Variants in ACBD5 observed in about 807,000 individuals in gnomAD.
ACBD5 encodes acyl-CoA binding domain containing 5.
A neutral mutation model predicts 71.8 loss-of-function variants in ACBD5; 40 were observed. The observed-to-expected ratio is 0.56, with a 90% confidence interval of 0.43 to 0.72. ACBD5 has a LOEUF of 0.72. Ranked by LOEUF, ACBD5 falls within the 30% of genes least tolerant of loss-of-function variation. The pLI is 0.00. For synonymous variants in ACBD5, 229 were observed against 218.6 expected (o/e 1.05, Z -0.42); for missense variants, 559 against 644.5 (o/e 0.87, Z 1.44).
chr10:27,240,747 C>T lies in ACBD5; in HGVS notation c.-59G>A, dbSNP rs545071516. The T allele has an allele frequency of 6.5e-7, 1 of 1,550,070 alleles. No individual in the cohort carries two copies. Among genetic ancestry groups the T allele is most frequent in the South Asian group, 1.2e-5 (1 of 84,048 alleles). The stretch of plus-strand genomic sequence containing the variant: ...GTGGCCGCGGAGCCGCTCTCCCACC[C>T]TGGGGACCCTGGCGGAGCAGCCACA... On this transcript the variant is annotated 5_prime_UTR_variant, in exon 1 of 13. Coordinates refer to ENST00000396271, the MANE Select transcript of ACBD5 (RefSeq NM_145698.5). This position sits in a 1 kb window ranked among gnomAD's most constrained non-coding sequence, Gnocchi z 4.1.
At chr10:27,219,696 A>G (rs202041172) in intron 6 of ACBD5, 27 bp downstream of exon 6, 2 of 1,612,910 alleles carry the variant, frequency 1.2e-6, no homozygotes, top group African/African-American at 1.3e-5. Context: ...TTATTGCAAA[A>G]TTACTAACTG....
intron 4 of ACBD5, among the ~76,000 whole-genome samples, chr10:27,226,229 T>C (rs2780677): frequency 0.18 from 26,924 of 151,908 alleles, 2,933 homozygotes; most frequent in East Asian, 0.32. Context: ...ATGCTGAAGT[T>C]TGGGCTTCTA....
intron 10 of ACBD5, among the ~76,000 whole-genome samples, chr10:27,206,286 T>C (rs1376260770): frequency 6.6e-6 from 1 of 151,654 alleles, no homozygotes; most frequent in African/African-American, 2.4e-5. Context: ...TCACTAAAGA[T>C]ATTGAATATA....
intron 7 of ACBD5, among the ~76,000 whole-genome samples, chr10:27,216,007 T>C (rs554673952): frequency 6.6e-6 from 1 of 151,534 alleles, no homozygotes; most frequent in Non-Finnish European, 1.5e-5. Flanking sequence ...CCCGAGTAGC[T>C]GGGATTACAG....
At chr10:27,230,411 A>G (rs1418992420) in intron 4 of ACBD5, among the ~76,000 whole-genome samples, 2 of 152,156 alleles carry the variant, frequency 1.3e-5, no homozygotes, top group Admixed American at 6.6e-5. Context: ...CTTTTTACAG[A>G]TTTTCTTTAT....
At chr10:27,216,368 T>C (rs1477940415) in intron 7 of ACBD5, among the ~76,000 whole-genome samples, 2 of 152,214 alleles carry the variant, frequency 1.3e-5, no homozygotes, top group Admixed American at 6.5e-5. Context: ...CTCGAACTTC[T>C]GACCTCAGGT....
intron 8 of ACBD5, among the ~76,000 whole-genome samples, chr10:27,215,139 G>C (rs1485196314): frequency 1.3e-5 from 2 of 152,014 alleles, no homozygotes; most frequent in Non-Finnish European, 2.9e-5. Flanking sequence ...ACTCCAGCCT[G>C]GGTGACAGAC....
chr10:27,215,438 T>A, intron 8 of ACBD5, 97 bp downstream of exon 8: 1 of 798,966 alleles, frequency 1.3e-6, no homozygotes. Flanking sequence ...CTTTTCAAAA[T>A]GAAAAATAGC....
chr10:27,188,242 A>C (rs1327963711), intron 13 of ACBD5, among the ~76,000 whole-genome samples: 1 of 152,252 alleles, frequency 6.6e-6, no homozygotes, highest in African/African-American at 2.4e-5. Flanking sequence ...TAAAATGTTC[A>C]AAATACAGTT....
At position 27,195,513 on chromosome 10, in the gene ACBD5, T is replaced by G; in HGVS notation, c.*1917A>C. The G allele has an allele frequency of 2.2e-6, 1 of 453,466 alleles. No individual in the cohort carries two copies. 28.1% of individuals were successfully genotyped at this position (453,466 alleles called of 1,614,324 possible). ...CACTCTTAATTTGCATTTTATTTAT[T>G]TATATACTAAGAGAAAAGACACTTT... On this transcript the variant is annotated 3_prime_UTR_variant, in exon 13 of 13. Coordinates refer to ENST00000396271, the MANE Select transcript of ACBD5 (RefSeq NM_145698.5).
At chr10:27,234,491 TAAAA>T (rs57102773) in intron 3 of ACBD5, among the ~76,000 whole-genome samples, 11 of 135,920 alleles carry the variant, frequency 8.1e-5, no homozygotes, top group Non-Finnish European at 1.4e-4. Context: ...GCTCTTGCCT[TAAAA>T]AAAAAAAAAA....
intron 13 of ACBD5, chr10:27,186,407 TGTG>T: frequency 1.9e-6 from 3 of 1,614,214 alleles, no homozygotes; most frequent in Non-Finnish European, 2.5e-6. Context: ...TCTTCAGTGA[TGTG>T]GACTGGGAAA....
In ACBD5 at chr10:27,210,871, G is replaced by A. The variant is rs2061001462; in HGVS notation, c.1147C>T (p.His383Tyr). 1.2e-6 allele frequency: 2 copies of A among 1,614,106 alleles called. No individual in the cohort carries two copies. Among genetic ancestry groups the A allele is most frequent in the Non-Finnish European group, 1.7e-6 (2 of 1,180,052 alleles). Residue 383 changes from histidine (H) to tyrosine (Y), a missense_variant, in exon 9 of 13, where the codon CAC (histidine) becomes TAC (tyrosine). By Grantham distance (83) the His-to-Tyr change is moderately conservative. Coordinates refer to ENST00000396271, the MANE Select transcript of ACBD5 (RefSeq NM_145698.5). ...EDGRNNSGAP[H>Y]REKRGGETDE... ...GTTTCTCCGCCTCGCTTCTCCCGGT[G>A]TGGTGCTCCGCTGTTATTCCTGCCA...
At chr10:27,221,473 C>T (rs1488966203) in intron 5 of ACBD5, among the ~76,000 whole-genome samples, 1 of 152,168 alleles carries the variant, frequency 6.6e-6, no homozygotes, top group Admixed American at 6.5e-5. Flanking sequence ...TGTGAGCCTG[C>T]ACCTTTATTA....
At chr10:27,219,163 G>A (rs1054083216) in intron 6 of ACBD5, among the ~76,000 whole-genome samples, 5 of 152,018 alleles carry the variant, frequency 3.3e-5, no homozygotes, top group Non-Finnish European at 5.9e-5. Context: ...TTAGCGGGGT[G>A]TGGTGGTGCA....
intron 12 of ACBD5, among the ~76,000 whole-genome samples, chr10:27,199,140 T>A (rs11015604): frequency 0.68 from 102,376 of 151,150 alleles, 34,739 homozygotes; most frequent in Admixed American, 0.71. Context: ...AAATAAAAAT[T>A]AAAAAAATTA....
chr10:27,192,640 A>C (rs967100129), downstream of ACBD5, among the ~76,000 whole-genome samples: 1 of 152,162 alleles, frequency 6.6e-6, no homozygotes, highest in African/African-American at 2.4e-5. Context: ...TTTAAAAAAT[A>C]ACTGATACTC....
chr10:27,222,376 C>T (rs1249677963), intron 5 of ACBD5, among the ~76,000 whole-genome samples: 1 of 149,334 alleles, frequency 6.7e-6, no homozygotes, highest in Non-Finnish European at 1.5e-5. Flanking sequence ...AAACACAACC[C>T]TTTCAATCCT....
chr10:27,227,346 T>C (rs1409702161), intron 4 of ACBD5, among the ~76,000 whole-genome samples: 2 of 151,946 alleles, frequency 1.3e-5, no homozygotes, highest in Non-Finnish European at 2.9e-5. Flanking sequence ...GATATACTCT[T>C]AAGAAAGCGA....
Sources: gnomAD v4.1 joint callset for allele counts (sites outside exome capture counted in the v4.1 genomes callset) on GRCh38, gnomAD v4.1.1 for gene constraint, Gnocchi (gnomAD v3.1) non-coding constraint, MANE v1.5 for transcripts, NCBI Gene and HGNC (gene_info 2026-07-23, HGNC 2026-07-21) for gene names.